HOXB3: variants seen among roughly 807,000 people sequenced by gnomAD.
The protein encoded by HOXB3 is homeobox protein Hox-B3.
Under a neutral mutation model 29.2 loss-of-function variants are expected in HOXB3, and 17 were observed. The ratio of observed to expected loss-of-function variants is 0.58; its 90% CI spans 0.40 to 0.87. HOXB3 has a LOEUF of 0.87. Among genes scored for constraint, HOXB3 ranks in the 40% least tolerant of loss-of-function variants. The pLI is 0.00. For synonymous variants in HOXB3, 317 were observed against 285.9 expected (o/e 1.11, Z -1.10); for missense variants, 637 against 616.3 (o/e 1.03, Z -0.35).
Position 48,554,555 on chromosome 17 carries a change from T to TC in HOXB3, c.-159+975dup. On this transcript the variant is annotated intron_variant, in intron 3 of 4. Transcript: ENST00000498678. The surrounding 1 kb of genome is among the most constrained non-coding windows in gnomAD (Gnocchi z 4.1). Reference sequence around the variant, plus strand: ...TGGGAAGGTTTGTGCACCCGGGTAGTCCCTGGCTGCTGCTGCCAGGCTGCC... The same window carrying TC: ...TGGGAAGGTTTGTGCACCCGGGTAGTCCCCTGGCTGCTGCTGCCAGGCTGCC... The TC allele has an allele frequency of 2.9e-6, 2 of 695,174 alleles. No individual in the cohort carries two copies. The highest frequency in any genetic ancestry group is 5.2e-6 in the Non-Finnish European group (2 of 381,394). The allele number at this position is 695,174 out of a possible 1,614,324, so 43.1% of individuals were successfully genotyped here.
rs1487311744 is a variant in HOXB3 at position 48,554,686 on chromosome 17, C to T, written c.-159+845G>A. On this transcript the variant is annotated intron_variant, in intron 3 of 4. Coordinates refer to ENST00000498678, the MANE Select transcript of HOXB3 (RefSeq NM_001384749.1). This position sits in a 1 kb window ranked among gnomAD's most constrained non-coding sequence, Gnocchi z 4.1. Reference sequence around the variant, plus strand: ...GCGATCAGGACACCAAAACGGTTATCGGAGGCAGGTTCCCAGCACACCAGC... The same window carrying T: ...GCGATCAGGACACCAAAACGGTTATTGGAGGCAGGTTCCCAGCACACCAGC... 1 of 702,332 alleles carries T rather than the reference C, an allele frequency of 1.4e-6. No individual in the cohort carries two copies. The highest frequency in any genetic ancestry group is 2.7e-5 in the East Asian group (1 of 37,286). 43.5% of individuals were successfully genotyped at this position (702,332 alleles called of 1,614,324 possible).
intron 2 of HOXB3, among the ~76,000 whole-genome samples, chr17:48,561,183 A>AACACACACACACATAC (rs2069181038): frequency 8.0e-6 from 1 of 125,382 alleles, no homozygotes; most frequent in Non-Finnish European, 1.7e-5. Flanking sequence ...TCCGTCTCAA[A>AACACACACACACATAC]ACACACACAC....
At chr17:48,575,333 A>G (rs966870831) in intron 1 of HOXB3, 1 of 152,246 alleles carries the variant, frequency 6.6e-6, no homozygotes, top group Non-Finnish European at 1.5e-5. Context: ...CTAAAAGGAA[A>G]ACAAACCAGC....
intron 1 of HOXB3, chr17:48,577,796 T>G (rs961015484): frequency 7.7e-7 from 1 of 1,296,414 alleles, no homozygotes; most frequent in South Asian, 2.4e-5. Flanking sequence ...CCCCAACCCA[T>G]GCCTCCGAAG....
chr17:48,563,202 A>T (rs2069260103), intron 2 of HOXB3, among the ~76,000 whole-genome samples: 1 of 152,222 alleles, frequency 6.6e-6, no homozygotes, highest in African/African-American at 2.4e-5. Flanking sequence ...GGGAAAGGGT[A>T]GAGGGGCAGG....
chr17:48,579,625 A>G (rs536454902), intron 1 of HOXB3: 1 of 160,648 alleles, frequency 6.2e-6, no homozygotes, highest in African/African-American at 2.4e-5. Flanking sequence ...AATAACATTA[A>G]CCTCTTAAAG....
chr17:48,567,337 C>T (rs2069423591), intron 2 of HOXB3, among the ~76,000 whole-genome samples: 1 of 152,246 alleles, frequency 6.6e-6, no homozygotes, highest in South Asian at 2.1e-4. Context: ...AACTTCCCTG[C>T]TCAAAGGTTT....
chr17:48,553,085 A>G (rs2068830716), intron 3 of HOXB3: 1 of 152,332 alleles, frequency 6.6e-6, no homozygotes, highest in Non-Finnish European at 1.5e-5. Context: ...TTGCCCAAGC[A>G]AAGTCTAGCC....
At position 48,561,292 on chromosome 17, in the gene HOXB3, C is replaced by T. The variant is rs1405939344; in HGVS notation, c.-246-5674G>A. Among the ~76,000 whole-genome samples, 9 of 151,754 alleles carry T rather than the reference C, an allele frequency of 5.9e-5. No homozygotes were observed. The East Asian group carries it at 1.7e-3, about 29-fold the overall frequency. On this transcript the variant is annotated intron_variant, in intron 2 of 4. Coordinates refer to ENST00000498678, the MANE Select transcript of HOXB3 (RefSeq NM_001384749.1). ...GACTCTTGCTCAGTAAGGCCCAGCCCTTCTTTACTTAGCCCTTCTCCAAAT... is the reference window on the plus strand; with the variant it reads ...GACTCTTGCTCAGTAAGGCCCAGCCTTTCTTTACTTAGCCCTTCTCCAAAT...
At chr17:48,576,803 G>A (rs1157518083) in intron 1 of HOXB3, 1 of 1,614,130 alleles carries the variant, frequency 6.2e-7, no homozygotes, top group Non-Finnish European at 8.5e-7. Flanking sequence ...GGATCTTGGT[G>A]TTGGGCAACT....
Position 48,554,509 on chromosome 17 carries a change from C to A in HOXB3, c.-159+1022G>T. ...ACGCGATAGGAAAGAATGGAGACTC[C>A]GCCGGTGGTGCAGACAGGGCTGGGA... On this transcript the variant is annotated intron_variant, in intron 3 of 4. Coordinates refer to ENST00000498678, the MANE Select transcript of HOXB3 (RefSeq NM_001384749.1). The surrounding 1 kb of genome is among the most constrained non-coding windows in gnomAD (Gnocchi z 4.1). 1 of 637,226 alleles carries A rather than the reference C, an allele frequency of 1.6e-6. No homozygotes were observed. Among genetic ancestry groups the A allele is most frequent in the Non-Finnish European group, 2.8e-6 (1 of 355,678 alleles). 39.5% of individuals were successfully genotyped at this position (637,226 alleles called of 1,614,324 possible).
chr17:48,574,046 GTATT>G, intron 1 of HOXB3, 32 bp from the exon 2 acceptor site: 1 of 591,638 alleles, frequency 1.7e-6, no homozygotes. Flanking sequence ...GAGAGGATAC[GTATT>G]TAAAGAAAAG....
intron 2 of HOXB3, among the ~76,000 whole-genome samples, chr17:48,565,770 G>A (rs1357683300): frequency 6.6e-6 from 1 of 152,176 alleles, no homozygotes; most frequent in Non-Finnish European, 1.5e-5. Flanking sequence ...ACTTAACTCT[G>A]TGTGTGTGTC....
intron 2 of HOXB3, chr17:48,556,840 G>GCAGGGTCGCTTAATTTTAAATGCACTGGC (rs1385527509): frequency 6.6e-6 from 1 of 152,216 alleles, no homozygotes. Context: ...AGAAGAACTA[G>GCAGGGTCGCTTAATTTTAAATGCACTGGC]CAGGGTCGCT....
chr17:48,578,209 G>T (rs770978417), intron 1 of HOXB3: 1 of 1,613,750 alleles, frequency 6.2e-7, no homozygotes, highest in Non-Finnish European at 8.5e-7. Context: ...CGCCGGCGTA[G>T]TACCCGGGCG....
At chr17:48,569,209 C>T (rs1597840066) in intron 2 of HOXB3, among the ~76,000 whole-genome samples, 2 of 152,126 alleles carry the variant, frequency 1.3e-5, no homozygotes, top group East Asian at 3.9e-4. Context: ...TAATGAATCA[C>T]GTGACCGGGA....
intron 4 of HOXB3, 116 bp downstream of exon 4, chr17:48,551,911 C>T (rs1489395774): frequency 7.4e-6 from 7 of 940,188 alleles, no homozygotes; most frequent in East Asian, 2.4e-5. Flanking sequence ...TACCCGCTGG[C>T]CACCTAATAT....
At chr17:48,568,740 G>C (rs1349718473) in intron 2 of HOXB3, among the ~76,000 whole-genome samples, 1 of 152,082 alleles carries the variant, frequency 6.6e-6, no homozygotes, top group Non-Finnish European at 1.5e-5. Flanking sequence ...AGGACAGAGG[G>C]AGAGAGGGAG....
chr17:48,575,756 T>A (rs2069737737), intron 1 of HOXB3: 1 of 152,578 alleles, frequency 6.6e-6, no homozygotes, highest in Non-Finnish European at 1.5e-5. Flanking sequence ...AACATCCTCC[T>A]CCCAGACTGG....
Sources: gnomAD v4.1 joint callset for allele counts (sites outside exome capture counted in the v4.1 genomes callset) on GRCh38, gnomAD v4.1.1 for gene constraint, Gnocchi (gnomAD v3.1) non-coding constraint, MANE v1.5 for transcripts, NCBI Gene and HGNC (gene_info 2026-07-23, HGNC 2026-07-21) for gene names.